Variants in GUSB observed in about 807,000 individuals in gnomAD.
The protein encoded by GUSB is beta-glucuronidase.
A neutral mutation model predicts 74.6 loss-of-function variants in GUSB; 51 were observed. The ratio of observed to expected loss-of-function variants is 0.68; its 90% CI spans 0.55 to 0.86. The LOEUF (loss-of-function observed/expected upper bound fraction) is 0.86. GUSB is among the 40% of genes least tolerant of loss of function. The probability of loss-of-function intolerance (pLI) is 0.00; values close to 1 mark genes in which losing one functional copy is unlikely to be tolerated. For missense variants in GUSB, 736 were observed against 853.7 expected (o/e 0.86, Z 1.72); for synonymous variants, 360 against 348.3 (o/e 1.03, Z -0.37).
chr7:65,964,294 G>T, intron 11 of GUSB, 29 bp downstream of exon 11: 1 of 1,598,828 alleles, frequency 6.3e-7, no homozygotes, highest in Non-Finnish European at 8.6e-7. Flanking sequence ...GGACGGGTAC[G>T]TTATCCCATG....
chr7:65,974,584 A>ACATCTG lies in GUSB; in HGVS notation c.1180_1185dup (p.Gln394_Met395dup). On this transcript the variant is annotated inframe_insertion, in exon 7 of 12. Transcript: ENST00000304895. ...ATGACCACAATCCCATAGCGGTCAC[A>ACATCTG]CATCTGCATCACTTCCTCTGCATAG... is the stretch of plus-strand genomic sequence containing the variant. 6.2e-7 allele frequency: 1 copy of ACATCTG among 1,614,206 alleles called. No individual in the cohort carries two copies. Among genetic ancestry groups the ACATCTG allele is most frequent in the South Asian group, 1.1e-5 (1 of 91,084 alleles).
rs768444459 is a variant in GUSB, at chr7:65,976,209, G to GA, written c.725-8dup. The GA allele has an allele frequency of 1.0e-5, 16 of 1,607,524 alleles. No homozygotes were observed. Among genetic ancestry groups the GA allele is most frequent in the Admixed American group, 1.7e-5 (1 of 59,990 alleles). ...ATCTGGTAATTCACCAGCCCTGCAA[G>GA]AAACAAGAGAGACCAGGGCTGAGGG... On this transcript the variant is annotated splice_polypyrimidine_tract_variant and splice_region_variant and intron_variant, in intron 4 of 11. Transcript: ENST00000304895.
At chr7:65,972,954 G>A (rs554561196) in intron 8 of GUSB, among the ~76,000 whole-genome samples, 1 of 152,322 alleles carries the variant, frequency 6.6e-6, no homozygotes, top group South Asian at 2.1e-4. Context: ...TATGAGTCAA[G>A]AGGCATTTCT....
At chr7:65,962,463 T>A (rs1250730472) in intron 11 of GUSB, among the ~76,000 whole-genome samples, 1 of 152,232 alleles carries the variant, frequency 6.6e-6, no homozygotes, top group Non-Finnish European at 1.5e-5. Flanking sequence ...AAGTACTTCA[T>A]CAAATGCAGC....
chr7:65,975,229 C>T (rs906016484), intron 5 of GUSB, 158 bp from the exon 6 acceptor site: 6 of 683,338 alleles, frequency 8.8e-6, no homozygotes, highest in Non-Finnish European at 1.6e-5. Context: ...CTGGCTGACC[C>T]TGGGAACCTG....
At chr7:65,964,110 TGACCG>T in intron 11 of GUSB, 1 of 594,934 alleles carries the variant, frequency 1.7e-6, no homozygotes. Context: ...GTTTGCTTTT[TGACCG>T]TATTTGGGAG....
At chr7:65,963,655 C>T (rs1387637180) in intron 11 of GUSB, among the ~76,000 whole-genome samples, 2 of 152,196 alleles carry the variant, frequency 1.3e-5, no homozygotes, top group African/African-American at 2.4e-5. Context: ...AGGTTATCCG[C>T]CTGCCTCAGC....
intron 2 of GUSB, 40 bp downstream of exon 2, chr7:65,980,184 T>TCCCCCCCCCCCCCCCCCCCCCCCC: frequency 8.3e-6 from 6 of 720,098 alleles, no homozygotes; most frequent in South Asian, 3.1e-5. Context: ...TCAGCAGCCG[T>TCCCCCCCCCCCCCCCCCCCCCCCC]GCCCCCCCAC....
chr7:65,976,930 G>A (rs534602045), intron 4 of GUSB, among the ~76,000 whole-genome samples: 1 of 152,026 alleles, frequency 6.6e-6, no homozygotes, highest in South Asian at 2.1e-4. Context: ...AAGTGACCGT[G>A]TCCCTCAGAC....
chr7:65,980,605 T>C (rs1583948729), intron 1 of GUSB, 196 bp from the exon 2 acceptor site: 2 of 621,952 alleles, frequency 3.2e-6, no homozygotes, highest in South Asian at 1.8e-5. Context: ...GGGCCAGGAG[T>C]TCCTCCTCAG....
chr7:65,966,663 C>T lies in GUSB; in HGVS notation c.1653+1068G>A, dbSNP rs548665535. Among the ~76,000 whole-genome samples, 8 of 151,818 alleles carry T rather than the reference C, an allele frequency of 5.3e-5. No individual in the cohort carries two copies. In the South Asian group the frequency reaches 8.3e-4, roughly 16 times the overall value. On this transcript the variant is annotated intron_variant, in intron 10 of 11. Transcript: ENST00000304895. The stretch of plus-strand genomic sequence containing the variant: ...GCTGCACATGGTGGTTCATGCCTGT[C>T]GTCCCAGCTACTCAGGAGGCTGAGG...
chr7:65,963,572 G>C (rs1790640979), intron 11 of GUSB, among the ~76,000 whole-genome samples: 1 of 74,644 alleles, frequency 1.3e-5, no homozygotes, highest in Non-Finnish European at 4.0e-5. Context: ...TTAAAGACAA[G>C]TCTCACTCTG....
intron 11 of GUSB, among the ~76,000 whole-genome samples, chr7:65,963,486 T>C (rs1790633658): frequency 6.6e-6 from 1 of 152,198 alleles, no homozygotes; most frequent in Non-Finnish European, 1.5e-5. Flanking sequence ...ACACATTCAT[T>C]GCGAACTTGG....
In GUSB at chr7:65,976,049, A is replaced by G. The variant is rs1274640282; in HGVS notation, c.878T>C (p.Met293Thr). The G allele has an allele frequency of 5.6e-6, 9 of 1,613,876 alleles. No individual in the cohort carries two copies. The highest frequency in any genetic ancestry group is 6.8e-6 in the Non-Finnish European group (8 of 1,179,994). Residue 293 changes from methionine (M) to threonine (T), a missense_variant, in exon 5 of 12, where the codon ATG (methionine) becomes ACG (threonine). Met to Thr is a moderately conservative substitution (Grantham distance 81). Coordinates refer to ENST00000304895, the MANE Select transcript of GUSB (RefSeq NM_000181.4). ...ATACAGATAGGCAGGGCGTTCGTGC[A>G]TCAGGTACGGCCACCAGAGGCTGAC... ...PGVSLWWPYL[M>T]HERPAYLYSL... is the part of the protein sequence containing the mutation.
At chr7:65,981,947 C>A in intron 1 of GUSB, 27 bp downstream of exon 1, 1 of 1,584,726 alleles carries the variant, frequency 6.3e-7, no homozygotes, top group East Asian at 2.3e-5. Flanking sequence ...CTTTCGGGCG[C>A]CTCCCGGCCC....
chr7:65,978,735 G>A (rs1583939392), intron 4 of GUSB, among the ~76,000 whole-genome samples: 2 of 151,360 alleles, frequency 1.3e-5, no homozygotes, highest in African/African-American at 2.4e-5. Flanking sequence ...TCACGCCATC[G>A]CACTCCAGCC....
At chr7:65,977,108 C>T (rs995253587) in intron 4 of GUSB, among the ~76,000 whole-genome samples, 5 of 152,084 alleles carry the variant, frequency 3.3e-5, no homozygotes, top group Non-Finnish European at 5.9e-5. Context: ...CAGTAATAAT[C>T]GGTGCTGTCT....
chr7:65,981,763 C>A (rs1375484609), intron 1 of GUSB: 1 of 541,630 alleles, frequency 1.8e-6, no homozygotes, highest in Admixed American at 3.3e-5. Flanking sequence ...TCGGCAAGAG[C>A]CTTTTCTCCT....
intron 1 of GUSB, among the ~76,000 whole-genome samples, chr7:65,981,411 T>C (rs1244778909): frequency 1.3e-5 from 2 of 151,960 alleles, no homozygotes; most frequent in African/African-American, 2.4e-5. Flanking sequence ...TTTATATTTT[T>C]AGTAGAGATG....
Sources: gnomAD v4.1 joint callset for allele counts (sites outside exome capture counted in the v4.1 genomes callset) on GRCh38, gnomAD v4.1.1 for gene constraint, MANE v1.5 for transcripts, NCBI Gene and HGNC (gene_info 2026-07-23, HGNC 2026-07-21) for gene names.